PIK3C3: variants seen among roughly 807,000 people sequenced by gnomAD.
PIK3C3 encodes phosphatidylinositol 3-kinase catalytic subunit type 3, also known as PI3-kinase type 3.
In PIK3C3, 95 loss-of-function variants were observed where a neutral mutation model predicts 126.1. The observed-to-expected ratio is 0.75, with a 90% CI of 0.64 to 0.89. PIK3C3 has a LOEUF of 0.89. Ranked by LOEUF, PIK3C3 falls within the 40% of genes least tolerant of loss-of-function variation. The pLI, the probability that PIK3C3 is intolerant of heterozygous loss-of-function variation, is 0.00. For synonymous variants in PIK3C3, 374 were observed against 360.0 expected (o/e 1.04, Z -0.44); for missense variants, 829 against 1,063.2 (o/e 0.78, Z 3.06).
At position 42,004,524 on chromosome 18, in the gene PIK3C3, C is replaced by A; in HGVS notation, c.1153C>A (p.Arg385=). The change falls in exon 10 of 25, where the codon CGA becomes AGA. Residue 385 remains arginine, a synonymous_variant. Coordinates refer to ENST00000262039, the MANE Select transcript of PIK3C3 (RefSeq NM_002647.4). ...TVRRYAVARL[R]QADDEDLLMY... ...GAGGCGTTATGCTGTTGCCCGGTTG[C>A]GACAGGCCGATGATGAGGTGCATTA... 6.3e-7 allele frequency: 1 copy of A among 1,592,376 alleles called. No individual in the cohort carries two copies. Among genetic ancestry groups the A allele is most frequent in the South Asian group, 1.2e-5 (1 of 86,644 alleles).
At chr18:42,011,076 A>G (rs1419586818) in intron 10 of PIK3C3, among the ~76,000 whole-genome samples, 1 of 152,202 alleles carries the variant, frequency 6.6e-6, no homozygotes, top group Admixed American at 6.5e-5. Flanking sequence ...TTCATAAACC[A>G]TGCTCTAAAC....
chr18:42,048,397 T>TA (rs1567999762), intron 20 of PIK3C3, among the ~76,000 whole-genome samples: 1 of 152,192 alleles, frequency 6.6e-6, no homozygotes, highest in Non-Finnish European at 1.5e-5. Context: ...GCCGCTTGCT[T>TA]AAAACTGCTT....
chr18:41,988,946 T>C (rs1477946112), intron 5 of PIK3C3, among the ~76,000 whole-genome samples: 1 of 152,140 alleles, frequency 6.6e-6, no homozygotes, highest in East Asian at 1.9e-4. Flanking sequence ...TGCCCAGCCT[T>C]TTTCATATTT....
chr18:42,017,460 T>A (rs1180328736), intron 12 of PIK3C3, among the ~76,000 whole-genome samples: 1 of 152,162 alleles, frequency 6.6e-6, no homozygotes, highest in Non-Finnish European at 1.5e-5. Flanking sequence ...CATAAGTTAC[T>A]AGAGCAAGCT....
intron 2 of PIK3C3, among the ~76,000 whole-genome samples, chr18:41,958,515 G>A (rs1979908100): frequency 6.6e-6 from 1 of 152,146 alleles, no homozygotes; most frequent in African/African-American, 2.4e-5. Context: ...AACCCTGTGT[G>A]TCCCAGGTGT....
rs1407320169 is a variant in PIK3C3 at position 42,082,229 on chromosome 18, G to T, written c.*1092G>T. 1 of 152,176 alleles carries T rather than the reference G, an allele frequency of 6.6e-6. No homozygotes were observed. Among genetic ancestry groups the T allele is most frequent in the Non-Finnish European group, 1.5e-5 (1 of 68,038 alleles). 9.4% of individuals were successfully genotyped at this position (152,176 alleles called of 1,614,324 possible). ...TTGGAAGAAAAAGAATTGTTTTGGT[G>T]CTGAATAAATATTAGAAATCAAGTG... On this transcript the variant is annotated 3_prime_UTR_variant, in exon 25 of 25. Transcript: ENST00000262039.
chr18:42,003,055 A>T (rs1306559296), intron 9 of PIK3C3, among the ~76,000 whole-genome samples: 3 of 152,276 alleles, frequency 2.0e-5, no homozygotes, highest in African/African-American at 7.2e-5. Context: ...CACCATCTTG[A>T]GGTGATGGGC....
intron 20 of PIK3C3, 123 bp from the exon 21 acceptor site, chr18:42,049,408 G>T: frequency 1.8e-6 from 1 of 550,510 alleles, no homozygotes; most frequent in South Asian, 3.2e-5. Context: ...GAATTCAGAT[G>T]AGAAACCAGA....
intron 5 of PIK3C3, among the ~76,000 whole-genome samples, chr18:41,989,889 C>T (rs1206478914): frequency 6.6e-6 from 1 of 152,010 alleles, no homozygotes; most frequent in Non-Finnish European, 1.5e-5. Context: ...AGTAATTATT[C>T]CGCAGTATAT....
At chr18:42,004,073 A>G (rs1184882954) in intron 9 of PIK3C3, among the ~76,000 whole-genome samples, 1 of 152,206 alleles carries the variant, frequency 6.6e-6, no homozygotes, top group Non-Finnish European at 1.5e-5. Context: ...GCAGTATTTT[A>G]AAATAACAAT....
intron 21 of PIK3C3, among the ~76,000 whole-genome samples, chr18:42,052,134 C>T (rs1242412207): frequency 1.3e-5 from 2 of 151,770 alleles, no homozygotes. Context: ...TTCTGTTATA[C>T]TTTGAAAAGT....
chr18:41,958,566 C>T (rs1979911209), intron 2 of PIK3C3, among the ~76,000 whole-genome samples: 1 of 152,120 alleles, frequency 6.6e-6, no homozygotes, highest in African/African-American at 2.4e-5. Flanking sequence ...CAGCAGAAGC[C>T]TGAACTCTGG....
At position 41,987,817 on chromosome 18, in the gene PIK3C3, C is replaced by G. The variant is rs1165628686; in HGVS notation, c.537C>G (p.Thr179=). The G allele has an allele frequency of 1.9e-6, 3 of 1,603,556 alleles. No homozygotes were observed. Among genetic ancestry groups the G allele is most frequent in the Non-Finnish European group, 2.6e-6 (3 of 1,174,206 alleles). ...TCATTGTATTTATTCTGCAGCTCAC[C>G]AAAGCTCATCGACAAGGACACATGG... ...EDQMSRLAKL[T]KAHRQGHMVK... The change falls in exon 5 of 25, where the codon ACC becomes ACG. Residue 179 remains threonine (T), a synonymous_variant. Coordinates refer to ENST00000262039, the MANE Select transcript of PIK3C3 (RefSeq NM_002647.4).
chr18:42,071,574 G>C (rs1453242179), intron 24 of PIK3C3, among the ~76,000 whole-genome samples: 1 of 151,928 alleles, frequency 6.6e-6, no homozygotes, highest in Non-Finnish European at 1.5e-5. Context: ...ACAAAAATTA[G>C]CCAGACGTGG....
At chr18:42,035,809 C>T (rs1321796228) in intron 16 of PIK3C3, among the ~76,000 whole-genome samples, 1 of 152,112 alleles carries the variant, frequency 6.6e-6, no homozygotes, top group Non-Finnish European at 1.5e-5. Context: ...CTTGTATGAG[C>T]TCCTTAGAGC....
chr18:41,957,239 A>C (rs998692131), intron 1 of PIK3C3, among the ~76,000 whole-genome samples: 9 of 152,364 alleles, frequency 5.9e-5, no homozygotes, highest in African/African-American at 2.2e-4. Context: ...ACCAAGGCCT[A>C]GAAAGCTGGT....
intron 9 of PIK3C3, among the ~76,000 whole-genome samples, chr18:42,003,363 G>A (rs1479224989): frequency 6.6e-6 from 1 of 152,100 alleles, no homozygotes; most frequent in Non-Finnish European, 1.5e-5. Flanking sequence ...AACATCTTGG[G>A]TTCAGCCAGG....
Position 41,990,479 on chromosome 18 carries a change from T to C in PIK3C3, c.639T>C (p.Asn213=). 1 of 1,594,720 alleles carries C rather than the reference T, an allele frequency of 6.3e-7. No individual in the cohort carries two copies. Among genetic ancestry groups the C allele is most frequent in the Non-Finnish European group, 8.6e-7 (1 of 1,163,400 alleles). Residue 213 remains asparagine (N), a synonymous_variant, in exon 6 of 25, where the codon AAT becomes AAC. Transcript: ENST00000262039. ...MINESEKRSS[N]FMYLMVEFRC... ...TTCAGAGTGAAAAACGAAGTTCTAA[T>C]TTCATGTACCTGATGGTTGAATTTC...
At chr18:41,977,746 A>G (rs1331197480) in intron 4 of PIK3C3, among the ~76,000 whole-genome samples, 6 of 152,176 alleles carry the variant, frequency 3.9e-5, no homozygotes, top group Admixed American at 6.5e-5. Context: ...CGGCCTCCCA[A>G]AGCATTGGAA....
Sources: allele counts gnomAD v4.1 joint callset (sites outside exome capture counted in the v4.1 genomes callset), GRCh38; gene constraint gnomAD v4.1.1; transcripts MANE v1.5; gene names NCBI Gene and HGNC (gene_info 2026-07-23, HGNC 2026-07-21).